CADPS2: variants seen among roughly 807,000 people sequenced by gnomAD.
The protein encoded by CADPS2 is calcium-dependent secretion activator 2.
A neutral mutation model predicts 172.5 loss-of-function variants in CADPS2; 93 were observed. The observed-to-expected ratio is 0.54, with a 90% CI of 0.46 to 0.64. The LOEUF is 0.64. Among genes scored for constraint, CADPS2 ranks in the 30% least tolerant of loss-of-function variants. CADPS2 has a pLI of 0.00. For synonymous variants in CADPS2, 546 were observed against 555.2 expected, an observed-to-expected ratio of 0.98 and a Z score of 0.23; for missense variants, 1,420 against 1,565.9, an observed-to-expected ratio of 0.91 and a Z score of 1.57.
intron 1 of CADPS2, among the ~76,000 whole-genome samples, chr7:122,877,798 A>T (rs1473987738): frequency 6.6e-6 from 1 of 152,186 alleles, no homozygotes; most frequent in Non-Finnish European, 1.5e-5. Context: ...GCGTCTAATC[A>T]GGAGCATGTA....
intron 1 of CADPS2, among the ~76,000 whole-genome samples, chr7:122,775,054 T>C (rs2139199981): frequency 6.6e-6 from 1 of 152,300 alleles, no homozygotes; most frequent in South Asian, 2.1e-4. Flanking sequence ...AACCTACTTC[T>C]AGAAGTTTTC....
chr7:122,366,392 C>A (rs1192853113), intron 25 of CADPS2, among the ~76,000 whole-genome samples: 2 of 149,286 alleles, frequency 1.3e-5, no homozygotes, highest in African/African-American at 4.9e-5. Context: ...ATCACGAGGT[C>A]AGGCATTTGA....
intron 1 of CADPS2, among the ~76,000 whole-genome samples, chr7:122,852,554 T>C (rs1813963079): frequency 1.3e-5 from 2 of 152,054 alleles, no homozygotes; most frequent in South Asian, 2.1e-4. Flanking sequence ...ATTGAGTTAA[T>C]GGTTGAGCAA....
At chr7:122,789,493 C>T (rs1369557905) in intron 1 of CADPS2, among the ~76,000 whole-genome samples, 1 of 152,130 alleles carries the variant, frequency 6.6e-6, no homozygotes, top group Non-Finnish European at 1.5e-5. Flanking sequence ...ATATAAAAAG[C>T]TCAGCTATTC....
chr7:122,706,358 T>C lies in CADPS2; in HGVS notation c.453+30597A>G, dbSNP rs868662315. On this transcript the variant is annotated intron_variant, in intron 2 of 29. Transcript: ENST00000449022. ...TATTCAAGGAATATATATATATGCTTATATATTCAAGGAATATATATATAT... is the reference window on the plus strand; with the variant it reads ...TATTCAAGGAATATATATATATGCTCATATATTCAAGGAATATATATATAT... Among the ~76,000 whole-genome samples the C allele has an allele frequency of 2.2e-3, 189 of 84,080 alleles. 6 individuals are homozygous for C. Among genetic ancestry groups the C allele is most frequent in the Non-Finnish European group, 3.3e-3 (142 of 42,768 alleles). 55.2% of individuals were successfully genotyped at this position (84,080 alleles called of 152,430 possible). A position where few individuals can be genotyped will look rare whatever the true frequency, so the allele number is the denominator to read the frequency against.
chr7:122,633,988 T>C (rs1247061606), intron 3 of CADPS2, among the ~76,000 whole-genome samples: 2 of 152,178 alleles, frequency 1.3e-5, no homozygotes, highest in African/African-American at 4.8e-5. Flanking sequence ...TGAATTATCT[T>C]TATTTATTTG....
intron 7 of CADPS2, 150 bp from the exon 8 acceptor site, chr7:122,554,839 T>G (rs1164158102): frequency 1.8e-6 from 1 of 555,582 alleles, no homozygotes; most frequent in East Asian, 3.3e-5. Context: ...CTACAATAGC[T>G]GATGGATTTT....
chr7:122,407,660 C>T lies in CADPS2; in HGVS notation c.2626G>A (p.Ala876Thr), dbSNP rs1230880644. ...GTAAATAAAGCCCAAAATTTCTCTG[C>T]ATGTTCAGCCAATAAATCAGGCCAC... ...AWWPDLLAEH[A>T]EKFWALFTVD... Residue 876 changes from alanine to threonine, a missense_variant, in exon 20 of 30, where the codon GCA becomes ACA. Physicochemically the swap from Ala to Thr is moderately conservative, Grantham distance 58. Transcript: ENST00000449022. 1.2e-6 allele frequency: 2 copies of T among 1,611,482 alleles called. No homozygotes were observed. Among genetic ancestry groups the T allele is most frequent in the Non-Finnish European group, 1.7e-6 (2 of 1,178,764 alleles).
intron 5 of CADPS2, among the ~76,000 whole-genome samples, chr7:122,620,935 C>A (rs912743238): frequency 7.2e-5 from 11 of 152,138 alleles, no homozygotes; most frequent in African/African-American, 2.4e-4. Flanking sequence ...GAGACAGGGT[C>A]TCACTCTGTC....
chr7:122,821,499 T>A (rs1255699769), intron 1 of CADPS2, among the ~76,000 whole-genome samples: 1 of 152,118 alleles, frequency 6.6e-6, no homozygotes, highest in African/African-American at 2.4e-5. Context: ...ATGCCCTGAG[T>A]CAGGTAACTA....
intron 9 of CADPS2, among the ~76,000 whole-genome samples, chr7:122,506,305 A>G (rs963764026): frequency 3.2e-4 from 48 of 152,316 alleles, no homozygotes; most frequent in East Asian, 1.9e-3. Context: ...GAAACATTCA[A>G]TATCTTTTAC....
intron 3 of CADPS2, among the ~76,000 whole-genome samples, chr7:122,656,272 A>G (rs1410851353): frequency 1.3e-5 from 2 of 152,174 alleles, no homozygotes; most frequent in Non-Finnish European, 2.9e-5. Context: ...CCATGGCAGA[A>G]AAAAGGGGGA....
chr7:122,516,524 C>T (rs1349263118), intron 8 of CADPS2, among the ~76,000 whole-genome samples: 5 of 151,858 alleles, frequency 3.3e-5, no homozygotes, highest in Non-Finnish European at 1.5e-5. Flanking sequence ...GGTGACAGAG[C>T]AAGATCCTGT....
intron 15 of CADPS2, among the ~76,000 whole-genome samples, chr7:122,450,097 G>C (rs1430452301): frequency 6.6e-6 from 1 of 152,086 alleles, no homozygotes; most frequent in Non-Finnish European, 1.5e-5. Flanking sequence ...AACAGATCAG[G>C]AAGAATAAGA....
intron 1 of CADPS2, among the ~76,000 whole-genome samples, chr7:122,785,609 C>T (rs1435667602): frequency 6.6e-6 from 1 of 152,094 alleles, no homozygotes; most frequent in Non-Finnish European, 1.5e-5. Flanking sequence ...TTTTTGCTCT[C>T]AGGTCTCCCT....
intron 15 of CADPS2, among the ~76,000 whole-genome samples, chr7:122,450,954 T>C (rs10272104): frequency 0.029 from 4,430 of 152,114 alleles, 136 homozygotes; most frequent in African/African-American, 0.068. Context: ...GACAAGACAA[T>C]ACTACAGACA....
intron 12 of CADPS2, among the ~76,000 whole-genome samples, chr7:122,479,218 T>A (rs2057027415): frequency 6.6e-6 from 1 of 152,160 alleles, no homozygotes. Context: ...AGCAAATGAC[T>A]CTTTTGAAAT....
At chr7:122,795,588 A>G (rs1418270546) in intron 1 of CADPS2, among the ~76,000 whole-genome samples, 2 of 152,202 alleles carry the variant, frequency 1.3e-5, no homozygotes, top group Non-Finnish European at 2.9e-5. Flanking sequence ...ATGATTTATC[A>G]CAAACAGAAC....
At chr7:122,472,066 A>G (rs2056032705) in intron 13 of CADPS2, among the ~76,000 whole-genome samples, 1 of 152,220 alleles carries the variant, frequency 6.6e-6, no homozygotes, top group South Asian at 2.1e-4. Context: ...TATGAACAAT[A>G]TAACAGAGTT....
Sources: allele counts gnomAD v4.1 joint callset (sites outside exome capture counted in the v4.1 genomes callset), GRCh38; gene constraint gnomAD v4.1.1; transcripts MANE v1.5; gene names NCBI Gene and HGNC (gene_info 2026-07-23, HGNC 2026-07-21).